The following TFDP2 variants were observed in gnomAD, a reference collection of about 807,000 sequenced individuals.
The protein encoded by TFDP2 is transcription factor Dp-2.
In TFDP2, 17 loss-of-function variants were observed where a neutral mutation model predicts 59.3. That is an observed-to-expected ratio of 0.29 (90% CI 0.20 to 0.43). The LOEUF (loss-of-function observed/expected upper bound fraction) is 0.43, where lower values mean the gene tolerates loss of function less well. Among genes scored for constraint, TFDP2 ranks in the 20% least tolerant of loss-of-function variants. The probability of loss-of-function intolerance (pLI) is 1.00; values close to 1 mark genes in which losing one functional copy is unlikely to be tolerated. For missense variants in TFDP2, 391 were observed against 528.8 expected (o/e 0.74, Z 2.56); for synonymous variants, 180 against 194.7 (o/e 0.92, Z 0.63).
At chr3:142,026,523 C>G (rs1946110576) in intron 3 of TFDP2, among the ~76,000 whole-genome samples, 1 of 152,084 alleles carries the variant, frequency 6.6e-6, no homozygotes, top group Non-Finnish European at 1.5e-5. Flanking sequence ...ACTTTATTGG[C>G]TACTGTAAAT....
chr3:142,101,356 CAA>C (rs529718660), intron 2 of TFDP2, among the ~76,000 whole-genome samples: 30 of 85,924 alleles, frequency 3.5e-4, no homozygotes, highest in Admixed American at 9.0e-4. Flanking sequence ...CCTGAGTAAC[CAA>C]AAAAAAAAAA....
At chr3:141,969,582 A>T (rs1350233776) in intron 9 of TFDP2, among the ~76,000 whole-genome samples, 2 of 152,070 alleles carry the variant, frequency 1.3e-5, no homozygotes, top group Non-Finnish European at 2.9e-5. Context: ...ACTGCACTCC[A>T]GCCTGGCGAA....
At chr3:142,015,220 A>T (rs971219611) in intron 3 of TFDP2, among the ~76,000 whole-genome samples, 10 of 152,132 alleles carry the variant, frequency 6.6e-5, no homozygotes, top group Non-Finnish European at 1.5e-4. Flanking sequence ...GCCCTTCCTC[A>T]TGAGATGATC....
Position 142,104,035 on chromosome 3 carries a change from C to T in TFDP2, c.-92-2194G>A, listed in dbSNP as rs76980837. On this transcript the variant is annotated intron_variant, in intron 1 of 12. Coordinates refer to ENST00000489671, the MANE Select transcript of TFDP2 (RefSeq NM_001178139.2). ...CATGCATTAGCTATTTGTCCTGATG[C>T]TCCCCCCTCCTTTCTTTTGCTTTTC... Among the ~76,000 whole-genome samples the T allele has an allele frequency of 9.1e-4, 139 of 152,178 alleles. 1 individual carries two copies. The highest frequency in any genetic ancestry group is 1.5e-3 in the Non-Finnish European group (100 of 68,008).
At chr3:142,050,368 T>C (rs1947556086) in intron 3 of TFDP2, among the ~76,000 whole-genome samples, 1 of 152,132 alleles carries the variant, frequency 6.6e-6, no homozygotes, top group Non-Finnish European at 1.5e-5. Context: ...ACTGAATTGC[T>C]TTTAGTTCCC....
At chr3:141,955,830 C>CAT (rs1307652576) in intron 11 of TFDP2, among the ~76,000 whole-genome samples, 1 of 152,026 alleles carries the variant, frequency 6.6e-6, no homozygotes, top group East Asian at 1.9e-4. Context: ...TTTTAAAAGA[C>CAT]AGAGTCTCGC....
Position 141,945,334 on chromosome 3 carries a change from G to A in TFDP2, c.*7179C>T, listed in dbSNP as rs936918340. 1.3e-5 allele frequency: 2 copies of A among 152,276 alleles called. No individual in the cohort carries two copies. The highest frequency in any genetic ancestry group is 4.8e-5 in the African/African-American group (2 of 41,438). The allele number at this position is 152,276 out of a possible 1,614,324, so 9.4% of individuals were successfully genotyped here. A position where few individuals can be genotyped will look rare whatever the true frequency, so the allele number is the denominator to read the frequency against. On this transcript the variant is annotated 3_prime_UTR_variant, in exon 13 of 13. Coordinates refer to ENST00000489671, the MANE Select transcript of TFDP2 (RefSeq NM_001178139.2). ...AGTAGAGACAGGGTTTCTCCATGTT[G>A]GTCAGGCTGGTTTCGAACTCCCGAC...
At position 142,043,739 on chromosome 3, in the gene TFDP2, C is replaced by T. The variant is rs551152339; in HGVS notation, c.83-38195G>A. 313 of 1,456,948 alleles carry T rather than the reference C, an allele frequency of 2.1e-4. No individual in the cohort carries two copies. In the East Asian group the frequency reaches 6.9e-3, roughly 32 times the overall value. The allele number at this position is 1,456,948 out of a possible 1,614,324, so 90.3% of individuals were successfully genotyped here. ...TTGGTCTTAGACCTGGGGGCCTCAG[C>T]CTGGTCAGCCAGGAGCTTCTTGCGG... On this transcript the variant is annotated intron_variant, in intron 3 of 12. Transcript: ENST00000489671.
intron 7 of TFDP2, among the ~76,000 whole-genome samples, chr3:141,975,143 A>C (rs984613507): frequency 3.3e-5 from 5 of 151,452 alleles, no homozygotes; most frequent in African/African-American, 1.2e-4. Context: ...TGAACTCCTG[A>C]CCTCATGATC....
chr3:141,982,328 T>C (rs934771190), intron 6 of TFDP2, among the ~76,000 whole-genome samples: 1 of 152,166 alleles, frequency 6.6e-6, no homozygotes, highest in Non-Finnish European at 1.5e-5. Context: ...AAAGAACTGG[T>C]TAATGGCTTA....
chr3:142,046,060 T>G (rs934471009), intron 3 of TFDP2, among the ~76,000 whole-genome samples: 5 of 152,204 alleles, frequency 3.3e-5, no homozygotes, highest in Non-Finnish European at 5.9e-5. Context: ...CACACAATTT[T>G]GCTCATCAAT....
chr3:141,954,472 A>C (rs1193839396), intron 11 of TFDP2, among the ~76,000 whole-genome samples: 1 of 151,948 alleles, frequency 6.6e-6, no homozygotes, highest in East Asian at 1.9e-4. Context: ...CCCCATCTCT[A>C]TTAAAAATAC....
Position 142,063,775 on chromosome 3 carries a change from G to A in TFDP2, c.82+29286C>T, listed in dbSNP as rs544227268. On this transcript the variant is annotated intron_variant, in intron 3 of 12. Transcript: ENST00000489671. ...TCAATAAAGCAAAAGATCCACTGTC[G>A]AAAAGTCTAAGACATGTAAAGCTTG... Among the ~76,000 whole-genome samples, 3 of 151,844 alleles carry A rather than the reference G, an allele frequency of 2.0e-5. No individual in the cohort carries two copies. In the East Asian group the frequency reaches 5.8e-4, roughly 29 times the overall value.
chr3:141,987,849 GA>G (rs1329256664), intron 6 of TFDP2, among the ~76,000 whole-genome samples: 1 of 150,646 alleles, frequency 6.6e-6, no homozygotes, highest in African/African-American at 2.5e-5. Context: ...TGAGGCAGGA[GA>G]ATCGCTTAAA....
rs1399618632 is a variant in TFDP2, at chr3:141,968,584, TC to T, written c.732+1488del. On this transcript the variant is annotated intron_variant, in intron 9 of 12. Transcript: ENST00000489671. ...TATAGATATATATAACATATATATC[TC>T]ATATATAGATATATATAACATATAT... is the stretch of plus-strand genomic sequence containing the variant. Among the ~76,000 whole-genome samples, 3 of 102,246 alleles carry T rather than the reference TC, an allele frequency of 2.9e-5. No homozygotes were observed. In the East Asian group the frequency reaches 7.4e-4, roughly 25 times the overall value. 67.1% of individuals were successfully genotyped at this position (102,246 alleles called of 152,430 possible).
chr3:142,146,604 T>A (rs1220162742), intron 1 of TFDP2, among the ~76,000 whole-genome samples: 1 of 152,202 alleles, frequency 6.6e-6, no homozygotes. Context: ...GTAATGTGGT[T>A]GCCAAAGAAG....
At chr3:142,007,896 T>C (rs546169290) in intron 3 of TFDP2, among the ~76,000 whole-genome samples, 17 of 152,282 alleles carry the variant, frequency 1.1e-4, no homozygotes, top group Admixed American at 8.5e-4. Flanking sequence ...GATGAAGCTT[T>C]GCTCACTCAC....
At chr3:142,096,349 G>A (rs1047078714) in intron 2 of TFDP2, among the ~76,000 whole-genome samples, 43 of 152,208 alleles carry the variant, frequency 2.8e-4, no homozygotes, top group African/African-American at 9.1e-4. Context: ...GTTGGCTAGC[G>A]AAAGCATCCT....
At chr3:142,051,171 T>C (rs960737647) in intron 3 of TFDP2, among the ~76,000 whole-genome samples, 13 of 152,190 alleles carry the variant, frequency 8.5e-5, no homozygotes, top group Non-Finnish European at 5.9e-5. Context: ...CATTGCAGAA[T>C]CTTTAGCACC....
Sources: allele counts gnomAD v4.1 joint callset (sites outside exome capture counted in the v4.1 genomes callset), GRCh38; gene constraint gnomAD v4.1.1; transcripts MANE v1.5; gene names NCBI Gene and HGNC (gene_info 2026-07-23, HGNC 2026-07-21).